HPSE2: variants seen among roughly 807,000 people sequenced by gnomAD.
HPSE2 encodes the protein inactive heparanase-2.
In HPSE2, 38 loss-of-function variants were observed where a neutral mutation model predicts 60.5. The observed-to-expected ratio is 0.63, with a 90% CI of 0.48 to 0.82. The LOEUF (loss-of-function observed/expected upper bound fraction) is 0.82. HPSE2 is among the 40% of genes least tolerant of loss of function. HPSE2 has a pLI of 0.00. For synonymous variants in HPSE2, 295 were observed against 293.2 expected (o/e 1.01, Z -0.06); for missense variants, 713 against 740.4 (o/e 0.96, Z 0.43).
intron 3 of HPSE2, among the ~76,000 whole-genome samples, chr10:98,843,927 A>G (rs1951976422): frequency 6.6e-6 from 1 of 152,216 alleles, no homozygotes. Flanking sequence ...AACTGTTGAT[A>G]TATTGCTTCA....
intron 3 of HPSE2, among the ~76,000 whole-genome samples, chr10:99,077,376 A>G (rs184036926): frequency 6.6e-6 from 1 of 152,252 alleles, no homozygotes; most frequent in African/African-American, 2.4e-5. Flanking sequence ...GGAGTTCCAT[A>G]AGTCTCTTAA....
intron 3 of HPSE2, among the ~76,000 whole-genome samples, chr10:98,839,094 G>A (rs537344133): frequency 6.6e-6 from 1 of 152,256 alleles, no homozygotes; most frequent in South Asian, 2.1e-4. Context: ...TAGGTAATGA[G>A]CCATATAAAG....
At chr10:98,829,352 A>AC (rs1951627589) in intron 3 of HPSE2, among the ~76,000 whole-genome samples, 1 of 151,944 alleles carries the variant, frequency 6.6e-6, no homozygotes, top group Admixed American at 6.6e-5. Context: ...ATATAGCGAA[A>AC]CCCCTTCTCT....
chr10:99,081,871 C>A (rs976295542), intron 3 of HPSE2, among the ~76,000 whole-genome samples: 1 of 152,022 alleles, frequency 6.6e-6, no homozygotes, highest in South Asian at 2.1e-4. Flanking sequence ...CTCCTGACCA[C>A]GTGATCCGCC....
At chr10:99,232,208 C>A (rs1849667580) in intron 2 of HPSE2, 140 bp downstream of exon 2, 2 of 820,506 alleles carry the variant, frequency 2.4e-6, no homozygotes, top group African/African-American at 2.2e-5. Context: ...AACGCGCGCG[C>A]GCGCATACAC....
chr10:98,702,241 G>A (rs1002994685), intron 5 of HPSE2, among the ~76,000 whole-genome samples: 20 of 152,126 alleles, frequency 1.3e-4, no homozygotes, highest in African/African-American at 4.1e-4. Context: ...TAAAGGAATC[G>A]ATTCAACAAG....
rs113482314 is a variant in HPSE2 at position 98,724,491 on chromosome 10, C to A, written c.785-2663G>T. On this transcript the variant is annotated intron_variant, in intron 4 of 11. Coordinates refer to ENST00000370552, the MANE Select transcript of HPSE2 (RefSeq NM_021828.5). ...AGATGTCTATTAGGTCCACTTGGTG[C>A]AGAGCTGAGTTCAATTCCTGGATAT... 4.2e-3 allele frequency among the ~76,000 whole-genome samples: 638 copies of A among 152,248 alleles called. 5 individuals are homozygous for A. The highest frequency in any genetic ancestry group is 7.2e-3 in the Non-Finnish European group (490 of 68,034).
At chr10:98,629,747 T>C (rs930022042) in intron 7 of HPSE2, among the ~76,000 whole-genome samples, 4 of 152,230 alleles carry the variant, frequency 2.6e-5, no homozygotes, top group African/African-American at 7.2e-5. Context: ...TACTCAATTA[T>C]TTGTGCTCAG....
At chr10:99,189,096 T>C (rs1189043192) in intron 2 of HPSE2, among the ~76,000 whole-genome samples, 1 of 152,206 alleles carries the variant, frequency 6.6e-6, no homozygotes, top group Admixed American at 6.5e-5. Flanking sequence ...TCTGGAATGG[T>C]ATATTTCTAA....
chr10:98,928,816 CATCA>C (rs1954557737), intron 3 of HPSE2, among the ~76,000 whole-genome samples: 1 of 105,496 alleles, frequency 9.5e-6, no homozygotes, highest in Non-Finnish European at 1.7e-5. Flanking sequence ...GGAAGGGGAA[CATCA>C]CACTCTGGGG....
At chr10:99,099,884 T>C (rs995386410) in intron 3 of HPSE2, among the ~76,000 whole-genome samples, 1 of 152,124 alleles carries the variant, frequency 6.6e-6, no homozygotes, top group Non-Finnish European at 1.5e-5. Context: ...GCAAACAGGG[T>C]CTGGAGTGGA....
intron 2 of HPSE2, among the ~76,000 whole-genome samples, chr10:99,219,841 T>TA (rs1849250377): frequency 6.6e-6 from 1 of 152,232 alleles, no homozygotes; most frequent in African/African-American, 2.4e-5. Context: ...CCTTCTGCCT[T>TA]CTTTAGTCTG....
At chr10:98,755,112 T>A in intron 3 of HPSE2, among the ~76,000 whole-genome samples, 1 of 152,006 alleles carries the variant, frequency 6.6e-6, no homozygotes, top group East Asian at 1.9e-4. Context: ...CCCAACTATA[T>A]GCTGTATTCA....
At chr10:99,076,654 C>T (rs1490910115) in intron 3 of HPSE2, among the ~76,000 whole-genome samples, 1 of 152,176 alleles carries the variant, frequency 6.6e-6, no homozygotes, top group East Asian at 1.9e-4. Flanking sequence ...TCCCAAAGTA[C>T]TGGGATTACA....
Position 99,047,943 on chromosome 10 carries a change from G to T in HPSE2, c.610+96295C>A, listed in dbSNP as rs183594564. ...AGGATCAGAGGTATCGATGGTGTTAGCCCAAAGGTCCGAAAGATGTTTCCG... is the reference window on the plus strand; with the variant it reads ...AGGATCAGAGGTATCGATGGTGTTATCCCAAAGGTCCGAAAGATGTTTCCG... On this transcript the variant is annotated intron_variant, in intron 3 of 11. Coordinates refer to ENST00000370552, the MANE Select transcript of HPSE2 (RefSeq NM_021828.5). The T allele has an allele frequency of 7.9e-5, 59 of 746,372 alleles. 1 individual carries two copies. The Admixed American group carries it at 1.0e-3, about 13-fold the overall frequency. 46.2% of individuals were successfully genotyped at this position (746,372 alleles called of 1,614,324 possible).
At chr10:99,310,920 A>G in the HPSE2 span, among the ~76,000 whole-genome samples, 2 of 152,100 alleles carry the variant, frequency 1.3e-5, no homozygotes, top group Admixed American at 6.6e-5. Context: ...TGAGCCACCC[A>G]TCATCCATTT....
In HPSE2 at chr10:98,758,152, C is replaced by T. The variant is rs1056152324; in HGVS notation, c.611-14096G>A. Reference sequence around the variant, plus strand: ...GCTAGCCATATGCAGAAGATTGAAACTGAACCCCTTCCTTCCACCATATAA... The same window carrying T: ...GCTAGCCATATGCAGAAGATTGAAATTGAACCCCTTCCTTCCACCATATAA... On this transcript the variant is annotated intron_variant, in intron 3 of 11. Transcript: ENST00000370552. 3.9e-5 allele frequency among the ~76,000 whole-genome samples: 6 copies of T among 152,064 alleles called. No homozygotes were observed. The South Asian group carries it at 1.2e-3, about 31-fold the overall frequency.
At chr10:98,879,640 A>G (rs934810414) in intron 3 of HPSE2, among the ~76,000 whole-genome samples, 15 of 151,986 alleles carry the variant, frequency 9.9e-5, no homozygotes, top group Admixed American at 9.9e-4. Context: ...GCAGCCAGGA[A>G]TGTAGAGCTC....
intron 9 of HPSE2, among the ~76,000 whole-genome samples, chr10:98,494,298 C>T (rs1049519789): frequency 6.6e-6 from 1 of 152,172 alleles, no homozygotes; most frequent in African/African-American, 2.4e-5. Context: ...TTGGCTGGAA[C>T]GGGACCTCAC....
Sources: allele counts gnomAD v4.1 joint callset (sites outside exome capture counted in the v4.1 genomes callset), GRCh38; gene constraint gnomAD v4.1.1; transcripts MANE v1.5; gene names NCBI Gene and HGNC (gene_info 2026-07-23, HGNC 2026-07-21).